Variants in NDST1 observed in about 807,000 individuals in gnomAD.
The protein encoded by NDST1 is N-deacetylase and N-sulfotransferase 1, also known as bifunctional heparan sulfate N-deacetylase/N-sulfotransferase 1.
A neutral mutation model predicts 92.8 loss-of-function variants in NDST1; 35 were observed. The observed-to-expected ratio is 0.38, with a 90% confidence interval of 0.29 to 0.50. The LOEUF (loss-of-function observed/expected upper bound fraction) is 0.50. Among genes scored for constraint, NDST1 ranks in the 20% least tolerant of loss-of-function variants. The pLI is 0.94. For missense variants in NDST1, 822 were observed against 1,182.7 expected (o/e 0.69, Z 4.47); for synonymous variants, 493 against 500.3 (o/e 0.99, Z 0.19).
At chr5:150,529,654 G>T (rs975065045) in intron 3 of NDST1, among the ~76,000 whole-genome samples, 2 of 152,198 alleles carry the variant, frequency 1.3e-5, no homozygotes, top group Non-Finnish European at 2.9e-5. Context: ...TAAATCCAAT[G>T]AAAACAAAAC....
intron 3 of NDST1, among the ~76,000 whole-genome samples, chr5:150,531,656 C>T (rs1188230902): frequency 6.6e-6 from 1 of 150,674 alleles, no homozygotes; most frequent in South Asian, 2.1e-4. Context: ...CCTGCCACCA[C>T]ACCTGGCTAA....
intron 2 of NDST1, among the ~76,000 whole-genome samples, chr5:150,522,088 C>T (rs543847042): frequency 3.1e-4 from 47 of 152,168 alleles, no homozygotes; most frequent in Non-Finnish European, 6.2e-4. Flanking sequence ...CAAAATCTGT[C>T]AAGGCAATCT....
At chr5:150,533,168 C>T (rs866289967) in intron 4 of NDST1, 136 bp downstream of exon 4, 51 of 864,642 alleles carry the variant, frequency 5.9e-5, no homozygotes, top group Admixed American at 3.7e-4. Context: ...CCTCTGCCCC[C>T]GTGGAGCCAA....
chr5:150,554,335 T>TTA lies in NDST1; in HGVS notation c.*1026_*1027dup, dbSNP rs55954668. 0.56 allele frequency: 76,845 copies of TTA among 137,930 alleles called. 21,774 individuals are homozygous for TTA. Among genetic ancestry groups the TTA allele is most frequent in the Non-Finnish European group, 0.64 (42,370 of 66,356 alleles). 8.5% of individuals were successfully genotyped at this position (137,930 alleles called of 1,614,324 possible). A position where few individuals can be genotyped will look rare whatever the true frequency, so the allele number is the denominator to read the frequency against. ...CCCTGGGTGCTGGGGTCGCACTGTG[T>TTA]TATATATATATATATATATATATAA... On this transcript the variant is annotated 3_prime_UTR_variant, in exon 15 of 15. Coordinates refer to ENST00000261797, the MANE Select transcript of NDST1 (RefSeq NM_001543.5).
chr5:150,537,162 A>T (rs546781987), intron 6 of NDST1, among the ~76,000 whole-genome samples: 43 of 152,226 alleles, frequency 2.8e-4, no homozygotes, highest in Non-Finnish European at 5.6e-4. Context: ...CTGAGGATGA[A>T]TGTCGTCTCA....
chr5:150,533,271 C>A (rs1372371079), intron 4 of NDST1, among the ~76,000 whole-genome samples: 2 of 152,238 alleles, frequency 1.3e-5, no homozygotes, highest in Non-Finnish European at 2.9e-5. Context: ...CCTGTCCTTT[C>A]GGGCTGAGCT....
At chr5:150,527,500 C>T (rs1345901547) in intron 2 of NDST1, among the ~76,000 whole-genome samples, 1 of 152,230 alleles carries the variant, frequency 6.6e-6, no homozygotes, top group Admixed American at 6.5e-5. Flanking sequence ...TTTAGCCTCT[C>T]TAGGCCTCCG....
chr5:150,503,916 G>A (rs77134655), upstream of NDST1, among the ~76,000 whole-genome samples: 15 of 152,300 alleles, frequency 9.8e-5, no homozygotes, highest in East Asian at 1.7e-3. Flanking sequence ...GACATCAAAG[G>A]GACTTAATTT....
At chr5:150,515,484 G>A (rs1054934028) in intron 1 of NDST1, among the ~76,000 whole-genome samples, 10 of 152,250 alleles carry the variant, frequency 6.6e-5, no homozygotes, top group Non-Finnish European at 1.5e-4. Context: ...TGAGGAATGA[G>A]ACTTAGGAGT....
intron 8 of NDST1, among the ~76,000 whole-genome samples, chr5:150,540,532 T>C (rs1221552407): frequency 6.6e-6 from 1 of 151,590 alleles, no homozygotes; most frequent in African/African-American, 2.4e-5. Flanking sequence ...AAAAAACGAG[T>C]GGGCTGGACG....
intron 8 of NDST1, among the ~76,000 whole-genome samples, chr5:150,540,520 T>C (rs1755198727): frequency 6.6e-6 from 1 of 151,870 alleles, no homozygotes; most frequent in African/African-American, 2.4e-5. Context: ...AAAACAGTGT[T>C]AAAAAAACGA....
Position 150,527,663 on chromosome 5 carries a change from G to T in NDST1, c.514-141G>T, listed in dbSNP as rs142797821. The T allele has an allele frequency of 6.1e-3, 7,237 of 1,185,688 alleles. 41 individuals are homozygous for T. Among genetic ancestry groups the T allele is most frequent in the Middle Eastern group, 7.5e-3 (32 of 4,276 alleles). 73.4% of individuals were successfully genotyped at this position (1,185,688 alleles called of 1,614,324 possible). ...TGAGTATATTATTGTGCAGGGTGGAGCGCAGGGCCAGGGTGGTGAGCCCTC... is the reference window on the plus strand; with the variant it reads ...TGAGTATATTATTGTGCAGGGTGGATCGCAGGGCCAGGGTGGTGAGCCCTC... On this transcript the variant is annotated intron_variant, in intron 2 of 14. Transcript: ENST00000261797.
At chr5:150,536,157 G>C (rs903669375) in intron 6 of NDST1, among the ~76,000 whole-genome samples, 3 of 152,150 alleles carry the variant, frequency 2.0e-5, no homozygotes, top group African/African-American at 7.2e-5. Context: ...GAGGATGTGG[G>C]ACAGGGCTCT....
chr5:150,538,078 G>A (rs1211524759), intron 6 of NDST1, among the ~76,000 whole-genome samples: 2 of 152,210 alleles, frequency 1.3e-5, no homozygotes, highest in African/African-American at 4.8e-5. Flanking sequence ...GGGCCTTCCT[G>A]GAATAAGCCA....
chr5:150,522,776 T>C (rs1055899460), intron 2 of NDST1, among the ~76,000 whole-genome samples: 1 of 151,564 alleles, frequency 6.6e-6, no homozygotes, highest in Non-Finnish European at 1.5e-5. Flanking sequence ...ACACAGAGGG[T>C]AGTGGGGGTG....
Position 150,514,582 on chromosome 5 carries a change from A to AT in NDST1, c.-387-6286_-387-6285insT, listed in dbSNP as rs200687327. Among the ~76,000 whole-genome samples the AT allele has an allele frequency of 1.3e-3, 198 of 149,716 alleles. 1 individual carries two copies. Among genetic ancestry groups the AT allele is most frequent in the East Asian group, 1.8e-3 (9 of 5,014 alleles). On this transcript the variant is annotated intron_variant, in intron 1 of 14. Transcript: ENST00000261797. ...TCTCAAAAAAAAAAAAAAAAAAAAAAGTGCTTAGCACAGTGCCAGGCTCAT... is the reference window on the plus strand; with the variant it reads ...TCTCAAAAAAAAAAAAAAAAAAAAAATGTGCTTAGCACAGTGCCAGGCTCAT...
At chr5:150,533,135 C>A in intron 4 of NDST1, 103 bp downstream of exon 4, 1 of 1,158,908 alleles carries the variant, frequency 8.6e-7, no homozygotes. Context: ...GTTTACTGGC[C>A]CACATTAGAG....
intron 1 of NDST1, among the ~76,000 whole-genome samples, chr5:150,502,656 T>C (rs1018717312): frequency 1.3e-5 from 2 of 152,168 alleles, no homozygotes; most frequent in Non-Finnish European, 2.9e-5. Context: ...TCCCTTCATG[T>C]CCTTTTCTCT....
At chr5:150,548,128 CT>C in intron 11 of NDST1, 89 bp from the exon 12 acceptor site, 1 of 1,510,656 alleles carries the variant, frequency 6.6e-7, no homozygotes, top group South Asian at 1.2e-5. Context: ...AGCTGAGGAT[CT>C]TCTGGCCACC....
Sources: gnomAD v4.1 joint callset for allele counts (sites outside exome capture counted in the v4.1 genomes callset) on GRCh38, gnomAD v4.1.1 for gene constraint, MANE v1.5 for transcripts, NCBI Gene and HGNC (gene_info 2026-07-23, HGNC 2026-07-21) for gene names.